Variants in COP1 observed in about 807,000 individuals in gnomAD.
The protein encoded by COP1 is E3 ubiquitin-protein ligase COP1.
A neutral mutation model predicts 101.3 loss-of-function variants in COP1; 24 were observed. That is an observed-to-expected ratio of 0.24 (90% CI 0.17 to 0.33). The LOEUF is 0.33. Among genes scored for constraint, COP1 ranks in the 10% least tolerant of loss-of-function variants. The pLI is 1.00. For missense variants in COP1, 663 were observed against 906.2 expected (o/e 0.73, Z 3.45); for synonymous variants, 347 against 341.9 (o/e 1.01, Z -0.17).
chr1:176,203,336 C>CA lies in COP1; in HGVS notation c.407+3235dup, dbSNP rs1332021016. Among the ~76,000 whole-genome samples, 1,148 of 149,378 alleles carry CA rather than the reference C, an allele frequency of 7.7e-3. 16 individuals carry two copies. The highest frequency in any genetic ancestry group is 0.025 in the African/African-American group (998 of 40,722). On this transcript the variant is annotated intron_variant, in intron 1 of 19. Coordinates refer to ENST00000367669, the MANE Select transcript of COP1 (RefSeq NM_022457.7). Reference sequence around the variant, plus strand: ...TGGGCAGCAGAGCGAGACTCCGTCTCAAAAAAAAAGAAAAAAAGTCAACCT... The same window carrying CA: ...TGGGCAGCAGAGCGAGACTCCGTCTCAAAAAAAAAAGAAAAAAAGTCAACCT...
rs1572427182 is a variant in COP1 at position 176,132,250 on chromosome 1, C to G, written c.968+2760G>C. 2.6e-5 allele frequency among the ~76,000 whole-genome samples: 4 copies of G among 151,854 alleles called. No homozygotes were observed. The Middle Eastern group carries it at 0.01, about 387-fold the overall frequency. ...AAATCAGATCCTGCTCAACACTATC[C>G]CATAACTTTCCATCATAATTAGTCT... is the stretch of plus-strand genomic sequence containing the variant. On this transcript the variant is annotated intron_variant, in intron 8 of 19. Coordinates refer to ENST00000367669, the MANE Select transcript of COP1 (RefSeq NM_022457.7).
At chr1:176,074,658 T>C (rs1677640699) in intron 11 of COP1, among the ~76,000 whole-genome samples, 1 of 152,120 alleles carries the variant, frequency 6.6e-6, no homozygotes, top group Non-Finnish European at 1.5e-5. Context: ...CACAATGTTT[T>C]CACATAAATG....
chr1:176,040,181 A>G (rs1441381454), intron 14 of COP1, among the ~76,000 whole-genome samples: 1 of 151,992 alleles, frequency 6.6e-6, no homozygotes, highest in Non-Finnish European at 1.5e-5. Flanking sequence ...GTAACATGGT[A>G]CTCTCACTAA....
chr1:176,060,655 G>A (rs1370523636), intron 11 of COP1, among the ~76,000 whole-genome samples: 1 of 152,138 alleles, frequency 6.6e-6, no homozygotes, highest in Non-Finnish European at 1.5e-5. Context: ...AATCAGTAAT[G>A]TCACTGCTGT....
chr1:175,977,569 G>A (rs1472783958), intron 18 of COP1, among the ~76,000 whole-genome samples: 2 of 151,898 alleles, frequency 1.3e-5, no homozygotes, highest in African/African-American at 4.8e-5. Flanking sequence ...TGGAATAAGA[G>A]ATAAAAAAGG....
intron 18 of COP1, among the ~76,000 whole-genome samples, chr1:175,978,702 A>G (rs768963372): frequency 6.6e-6 from 1 of 152,142 alleles, no homozygotes; most frequent in Admixed American, 6.6e-5. Context: ...CAGTCAGGGA[A>G]ATTTTCTAAA....
chr1:176,141,184 T>G (rs890560544), intron 6 of COP1, among the ~76,000 whole-genome samples: 4 of 152,148 alleles, frequency 2.6e-5, no homozygotes, highest in Non-Finnish European at 2.9e-5. Context: ...CCATTACACT[T>G]TCAATGGGGA....
intron 18 of COP1, among the ~76,000 whole-genome samples, chr1:175,985,467 T>G (rs974599197): frequency 2.0e-5 from 3 of 152,230 alleles, no homozygotes; most frequent in Admixed American, 2.0e-4. Flanking sequence ...GAAGTTCAGA[T>G]GCAATCGCTA....
At chr1:176,059,607 T>G (rs530806538) in intron 11 of COP1, among the ~76,000 whole-genome samples, 5 of 152,088 alleles carry the variant, frequency 3.3e-5, no homozygotes, top group Non-Finnish European at 7.4e-5. Context: ...CTCAGCCTCC[T>G]GAGTAGCTGA....
At chr1:175,947,384 T>C in intron 18 of COP1, 145 bp from the exon 19 acceptor site, 1 of 646,666 alleles carries the variant, frequency 1.5e-6, no homozygotes, top group Non-Finnish European at 2.7e-6. Context: ...TTTTTTTTTT[T>C]TTTTGAGACG....
intron 15 of COP1, among the ~76,000 whole-genome samples, chr1:176,007,341 G>T (rs370764534): frequency 6.6e-6 from 1 of 152,120 alleles, no homozygotes; most frequent in African/African-American, 2.4e-5. Flanking sequence ...TCTTCTCTCA[G>T]CTCGTCAAAG....
At position 175,974,214 on chromosome 1, in the gene COP1, T is replaced by C. The variant is rs532977298; in HGVS notation, c.2133+12729A>G. Among the ~76,000 whole-genome samples, 13 of 152,274 alleles carry C rather than the reference T, an allele frequency of 8.5e-5. No individual in the cohort carries two copies. In the South Asian group the frequency reaches 2.7e-3, roughly 32 times the overall value. ...AGAGTCACAGGGTTGGAAATAAGGA[T>C]GGATTCAATATATATTAAAGGAAAA... is the stretch of plus-strand genomic sequence containing the variant. On this transcript the variant is annotated intron_variant, in intron 18 of 19. Coordinates refer to ENST00000367669, the MANE Select transcript of COP1 (RefSeq NM_022457.7).
intron 18 of COP1, among the ~76,000 whole-genome samples, chr1:175,968,718 C>T (rs987894555): frequency 1.3e-5 from 2 of 152,310 alleles, no homozygotes; most frequent in African/African-American, 4.8e-5. Flanking sequence ...GGAGAAAAGG[C>T]TGTGAAGAAC....
chr1:175,976,371 G>A (rs1055525823), intron 18 of COP1, among the ~76,000 whole-genome samples: 3 of 136,170 alleles, frequency 2.2e-5, no homozygotes, highest in Non-Finnish European at 3.1e-5. Flanking sequence ...TACACCTCCC[G>A]GGTTCAAGTG....
intron 15 of COP1, among the ~76,000 whole-genome samples, chr1:175,998,877 G>A (rs35846379): frequency 0.29 from 44,518 of 151,938 alleles, 7,887 homozygotes; most frequent in Middle Eastern, 0.38. Flanking sequence ...AGCAATAATG[G>A]AATGGAACTT....
chr1:176,046,131 G>A, intron 12 of COP1, 50 bp downstream of exon 12: 3 of 1,431,758 alleles, frequency 2.1e-6, no homozygotes, highest in Non-Finnish European at 2.9e-6. Flanking sequence ...AATTACATAT[G>A]CAAATTGTTA....
chr1:175,993,578 C>T (rs1183199506), intron 15 of COP1, among the ~76,000 whole-genome samples: 5 of 151,968 alleles, frequency 3.3e-5, no homozygotes, highest in Admixed American at 3.3e-4. Flanking sequence ...AGCCAAGGCT[C>T]GAGAACTACG....
At chr1:176,112,224 A>C (rs1171769626) in intron 9 of COP1, among the ~76,000 whole-genome samples, 8 of 134,756 alleles carry the variant, frequency 5.9e-5, no homozygotes, top group Admixed American at 1.5e-4. Context: ...AAATATTTCC[A>C]AAAAAAAAAA....
intron 3 of COP1, among the ~76,000 whole-genome samples, chr1:176,173,521 C>T (rs1696433171): frequency 6.7e-6 from 1 of 150,276 alleles, no homozygotes; most frequent in Admixed American, 6.6e-5. Context: ...ATGTCTGTAG[C>T]CCCAGCTACT....
Sources: allele counts gnomAD v4.1 joint callset (sites outside exome capture counted in the v4.1 genomes callset), GRCh38; gene constraint gnomAD v4.1.1; transcripts MANE v1.5; gene names NCBI Gene and HGNC (gene_info 2026-07-23, HGNC 2026-07-21).